HTR1B: variants seen among roughly 807,000 people sequenced by gnomAD.
HTR1B encodes 5-hydroxytryptamine receptor 1B.
HTR1B carries 12 observed loss-of-function variants against 25.3 expected under a neutral mutation model. That is an observed-to-expected ratio of 0.47 (90% CI 0.30 to 0.77). The LOEUF (loss-of-function observed/expected upper bound fraction) is 0.77, where lower values mean the gene tolerates loss of function less well. Ranked by LOEUF, HTR1B falls within the 30% of genes least tolerant of loss-of-function variation. HTR1B has a pLI of 0.06. For synonymous variants in HTR1B, 224 were observed against 219.1 expected (o/e 1.02, Z -0.20); for missense variants, 453 against 503.0 (o/e 0.90, Z 0.95).
rs764247467 is a variant in HTR1B at position 77,462,915 on chromosome 6, G to A, written c.489C>T (p.Pro163=). 3.1e-6 allele frequency: 5 copies of A among 1,613,876 alleles called. No individual in the cohort carries two copies. Among genetic ancestry groups the A allele is most frequent in the African/African-American group, 2.7e-5 (2 of 74,936 alleles). Residue 163 remains proline, a synonymous_variant, in exon 1 of 1, where the codon CCC becomes CCT. Coordinates refer to ENST00000369947, the MANE Select transcript of HTR1B (RefSeq NM_000863.3). The surrounding 1 kb of genome is among the most constrained non-coding windows in gnomAD (Gnocchi z 4.9). ...DAVEYSAKRT[P]KRAAVMIALV... is the part of the protein sequence containing the mutation. ...GCGCGATCATGACCGCCGCCCTCTT[G>A]GGAGTCCTTTTAGCTGAGTACTCCA...
Position 77,462,806 on chromosome 6 carries a change from C to T in HTR1B, c.598G>A (p.Val200Met), listed in dbSNP as rs750155855. ...TAGAGGATGTGGTCGGTGTTCACCA[C>T]GCATTCCGACACCTCCTCTTCGGCC... Reference protein sequence around the residue: ...AKAEEEVSECVVNTDHILYTV... With the variant: ...AKAEEEVSECMVNTDHILYTV... The change falls in exon 1 of 1, where the codon GTG becomes ATG. Residue 200 changes from valine (V) to methionine (M), a missense_variant. Val to Met is a conservative substitution (Grantham distance 21). Transcript: ENST00000369947. This position sits in a 1 kb window ranked among gnomAD's most constrained non-coding sequence, Gnocchi z 4.9. 2 of 1,613,236 alleles carry T rather than the reference C, an allele frequency of 1.2e-6. No individual in the cohort carries two copies. Among genetic ancestry groups the T allele is most frequent in the Admixed American group, 1.7e-5 (1 of 59,942 alleles).
chr6:77,462,835 G>T lies in HTR1B; in HGVS notation c.569C>A (p.Ala190Asp). 1 of 1,614,046 alleles carries T rather than the reference G, an allele frequency of 6.2e-7. No individual in the cohort carries two copies. The highest frequency in any genetic ancestry group is 8.5e-7 in the Non-Finnish European group (1 of 1,180,030). The change falls in exon 1 of 1, where the codon GCT (alanine) becomes GAT (aspartate). Residue 190 changes from alanine to aspartate, a missense_variant. By Grantham distance (126) the Ala-to-Asp change is moderately radical. Coordinates refer to ENST00000369947, the MANE Select transcript of HTR1B (RefSeq NM_000863.3). The surrounding 1 kb of genome is among the most constrained non-coding windows in gnomAD (Gnocchi z 4.9). Reference protein sequence around the residue: ...ISLPPFFWRQAKAEEEVSECV... With the variant: ...ISLPPFFWRQDKAEEEVSECV... ...TTCCGACACCTCCTCTTCGGCCTTA[G>T]CCTGACGCCAGAAGAAGGGCGGCAG...
chr6:77,462,285 A>T lies in HTR1B; in HGVS notation c.1119T>A (p.Asn373Lys), dbSNP rs1382258813. 6.2e-7 allele frequency: 1 copy of T among 1,613,992 alleles called. No homozygotes were observed. Among genetic ancestry groups the T allele is most frequent in the Admixed American group, 1.7e-5 (1 of 60,004 alleles). ...TATGGAATGCTTGTTTAAAGTCCTCATTGGACATGGTATAGATTATGGGGT... is the reference window on the plus strand; with the variant it reads ...TATGGAATGCTTGTTTAAAGTCCTCTTTGGACATGGTATAGATTATGGGGT... ...LINPIIYTMS[N>K]EDFKQAFHKL... Residue 373 changes from asparagine to lysine, a missense_variant, in exon 1 of 1, where the codon AAT becomes AAA. Physicochemically the swap from Asn to Lys is moderately conservative, Grantham distance 94. Coordinates refer to ENST00000369947, the MANE Select transcript of HTR1B (RefSeq NM_000863.3). The surrounding 1 kb of genome is among the most constrained non-coding windows in gnomAD (Gnocchi z 4.9).
chr6:77,462,011 C>G lies in HTR1B; in HGVS notation c.*220G>C, dbSNP rs569071651. On this transcript the variant is annotated 3_prime_UTR_variant, in exon 1 of 1. Transcript: ENST00000369947. The surrounding 1 kb of genome is among the most constrained non-coding windows in gnomAD (Gnocchi z 4.9). ...CCGGGGCTTGAGGGGAGGAAGTGAGCCTCCTCCTGGGCAGGGAAGCTCTAC... is the reference window on the plus strand; with the variant it reads ...CCGGGGCTTGAGGGGAGGAAGTGAGGCTCCTCCTGGGCAGGGAAGCTCTAC... The G allele has an allele frequency of 1.9e-6, 1 of 526,944 alleles. No individual in the cohort carries two copies. The highest frequency in any genetic ancestry group is 3.2e-5 in the East Asian group (1 of 31,280). 32.6% of individuals were successfully genotyped at this position (526,944 alleles called of 1,614,324 possible). A position where few individuals can be genotyped will look rare whatever the true frequency, so the allele number is the denominator to read the frequency against.
At position 77,462,984 on chromosome 6, in the gene HTR1B, G is replaced by A. The variant is rs1361043053; in HGVS notation, c.420C>T (p.Leu140=). Residue 140 remains leucine, a synonymous_variant, in exon 1 of 1, where the codon CTC becomes CTT. Transcript: ENST00000369947. This position sits in a 1 kb window ranked among gnomAD's most constrained non-coding sequence, Gnocchi z 4.9. ...AGTAGCGGTCCAGGGCGATGACACA[G>A]AGGTGCAGGATGGAGGCAGTGCAAC... ...ITCCTASILH[L]CVIALDRYWA... 1.2e-6 allele frequency: 2 copies of A among 1,614,090 alleles called. No individual in the cohort carries two copies. The highest frequency in any genetic ancestry group is 3.3e-5 in the Admixed American group (2 of 60,032).
chr6:77,461,198 C>A lies in HTR1B; in HGVS notation c.*1033G>T, dbSNP rs1192654610. Among the ~76,000 whole-genome samples the A allele has an allele frequency of 6.6e-6, 1 of 152,272 alleles. No homozygotes were observed. Among genetic ancestry groups the A allele is most frequent in the South Asian group, 2.1e-4 (1 of 4,818 alleles). On this transcript the variant is annotated 3_prime_UTR_variant, in exon 1 of 1. Transcript: ENST00000369947. ...CCCATGTCATCAGTCTCCTTCACAT[C>A]TCACTAAATTGGATAAGAAATAAAG...
At position 77,461,503 on chromosome 6, in the gene HTR1B, T is replaced by G. The variant is rs1766134773; in HGVS notation, c.*728A>C. Among the ~76,000 whole-genome samples, 1 of 152,104 alleles carries G rather than the reference T, an allele frequency of 6.6e-6. No homozygotes were observed. The highest frequency in any genetic ancestry group is 2.4e-5 in the African/African-American group (1 of 41,428). ...TTGTAAATCTGCAGAAAACAAACAATCATAGGTGTTGATTCTCAGTTTAAC... is the reference window on the plus strand; with the variant it reads ...TTGTAAATCTGCAGAAAACAAACAAGCATAGGTGTTGATTCTCAGTTTAAC... On this transcript the variant is annotated 3_prime_UTR_variant, in exon 1 of 1. Coordinates refer to ENST00000369947, the MANE Select transcript of HTR1B (RefSeq NM_000863.3).
Position 77,462,290 on chromosome 6 carries a change from A to T in HTR1B, c.1114T>A (p.Ser372Thr). ...AATGCTTGTTTAAAGTCCTCATTGG[A>T]CATGGTATAGATTATGGGGTTGATG... ...SLINPIIYTM[S>T]NEDFKQAFHK... The change falls in exon 1 of 1, where the codon TCC becomes ACC. Residue 372 changes from serine (S) to threonine (T), a missense_variant. Physicochemically the swap from Ser to Thr is moderately conservative, Grantham distance 58. This residue lies in a region of HTR1B where 289 missense variants were observed against 319.6 expected (regional missense o/e 0.90). Transcript: ENST00000369947. This position sits in a 1 kb window ranked among gnomAD's most constrained non-coding sequence, Gnocchi z 4.9. 1 of 1,614,110 alleles carries T rather than the reference A, an allele frequency of 6.2e-7. No individual in the cohort carries two copies. Among genetic ancestry groups the T allele is most frequent in the African/African-American group, 1.3e-5 (1 of 75,052 alleles).
Position 77,461,953 on chromosome 6 carries a change from T to G in HTR1B, c.*278A>C. The G allele has an allele frequency of 8.1e-6, 3 of 369,900 alleles. No individual in the cohort carries two copies. The highest frequency in any genetic ancestry group is 4.8e-5 in the East Asian group (1 of 20,918). The allele number at this position is 369,900 out of a possible 1,614,324, so 22.9% of individuals were successfully genotyped here. A position where few individuals can be genotyped will look rare whatever the true frequency, so the allele number is the denominator to read the frequency against. On this transcript the variant is annotated 3_prime_UTR_variant, in exon 1 of 1. Coordinates refer to ENST00000369947, the MANE Select transcript of HTR1B (RefSeq NM_000863.3). ...CAATTTTTAAAAGTTGCAACCCCCT[T>G]TGGGATTGGCTGCCGCAGGGTCAGT...
Position 77,462,598 on chromosome 6 carries a change from G to T in HTR1B, c.806C>A (p.Ser269Tyr). ...DSPGSTSSVT[S>Y]INSRVPDVPS... is the part of the protein sequence containing the mutation. ...CACGTCGGGAACCCGCGAGTTAATAGAGGTGACCGAGGACGTGGACCCGGG... is the reference window on the plus strand; with the variant it reads ...CACGTCGGGAACCCGCGAGTTAATATAGGTGACCGAGGACGTGGACCCGGG... The change falls in exon 1 of 1, where the codon TCT (serine) becomes TAT (tyrosine). Residue 269 changes from serine (S) to tyrosine (Y), a missense_variant. Ser to Tyr is a moderately radical substitution (Grantham distance 144, BLOSUM62 -2). Coordinates refer to ENST00000369947, the MANE Select transcript of HTR1B (RefSeq NM_000863.3). The surrounding 1 kb of genome is among the most constrained non-coding windows in gnomAD (Gnocchi z 4.9). The T allele has an allele frequency of 1.2e-6, 2 of 1,613,152 alleles. No homozygotes were observed. The highest frequency in any genetic ancestry group is 1.7e-6 in the Non-Finnish European group (2 of 1,180,020).
rs768130292 is a variant in HTR1B at position 77,462,652 on chromosome 6, A to T, written c.752T>A (p.Leu251Ter). ...GTCGGTTATCAGCTGGGCTCGGGTC[A>T]AGCGCTTGCCGGTCCTGTTGGGCGT... is the stretch of plus-strand genomic sequence containing the variant. ...KQTPNRTGKR[L>*]TRAQLITDSP... Residue 251 changes from leucine to a stop codon, truncating the protein, a stop_gained, in exon 1 of 1, where the codon TTG becomes TAG. Coordinates refer to ENST00000369947, the MANE Select transcript of HTR1B (RefSeq NM_000863.3). LOFTEE classifies it high-confidence loss of function. The surrounding 1 kb of genome is among the most constrained non-coding windows in gnomAD (Gnocchi z 4.9). 6.2e-7 allele frequency: 1 copy of T among 1,613,324 alleles called. No individual in the cohort carries two copies. Among genetic ancestry groups the T allele is most frequent in the South Asian group, 1.1e-5 (1 of 91,078 alleles).
In HTR1B at chr6:77,463,043, C is replaced by G; in HGVS notation, c.361G>C (p.Val121Leu). ...VTGRWTLGQV[V>L]CDFWLSSDIT... Reference sequence around the variant, plus strand: ...TCCGACGACAGCCAGAAGTCACAGACCACCTGGCCCAGTGTCCAGCGGCCG... The same window carrying G: ...TCCGACGACAGCCAGAAGTCACAGAGCACCTGGCCCAGTGTCCAGCGGCCG... The change falls in exon 1 of 1, where the codon GTC becomes CTC. Residue 121 changes from valine (V) to leucine (L), a missense_variant. By Grantham distance (32) the Val-to-Leu change is conservative. Transcript: ENST00000369947. 2 of 1,614,186 alleles carry G rather than the reference C, an allele frequency of 1.2e-6. No individual in the cohort carries two copies. Among genetic ancestry groups the G allele is most frequent in the Non-Finnish European group, 8.5e-7 (1 of 1,180,044 alleles).
Position 77,462,522 on chromosome 6 carries a change from G to A in HTR1B, c.882C>T (p.Val294=). 1 of 1,613,768 alleles carries A rather than the reference G, an allele frequency of 6.2e-7. No homozygotes were observed. The highest frequency in any genetic ancestry group is 2.2e-5 in the East Asian group (1 of 44,864). Residue 294 remains valine (V), a synonymous_variant, in exon 1 of 1, where the codon GTC becomes GTT. Coordinates refer to ENST00000369947, the MANE Select transcript of HTR1B (RefSeq NM_000863.3). This position sits in a 1 kb window ranked among gnomAD's most constrained non-coding sequence, Gnocchi z 4.9. The part of the protein sequence containing the change: ...PVYVNQVKVR[V]SDALLEKKKL... ...TCTTCTTTTCCAGCAGGGCGTCGGA[G>A]ACTCGCACTTTGACTTGGTTCACAT...
Position 77,463,414 on chromosome 6 carries a change from G to T in HTR1B, c.-11C>A, listed in dbSNP as rs1236911978. ...ACCCGGTTCCTCCATGGCTCTCCTC[G>T]CCCCAGCTCCGGAGCGCAGCTCTTG... On this transcript the variant is annotated 5_prime_UTR_variant, in exon 1 of 1. Transcript: ENST00000369947. 2.5e-6 allele frequency: 4 copies of T among 1,603,858 alleles called. No individual in the cohort carries two copies. Among genetic ancestry groups the T allele is most frequent in the African/African-American group, 2.7e-5 (2 of 74,688 alleles).
At position 77,462,016 on chromosome 6, in the gene HTR1B, T is replaced by TC. The variant is rs1766143697; in HGVS notation, c.*214dup. 13 of 539,472 alleles carry TC rather than the reference T, an allele frequency of 2.4e-5. 3 individuals are homozygous for TC. The South Asian group carries it at 2.9e-4, about 12-fold the overall frequency. The allele number at this position is 539,472 out of a possible 1,614,324, so 33.4% of individuals were successfully genotyped here. Reference sequence around the variant, plus strand: ...GCTTGAGGGGAGGAAGTGAGCCTCCTCCTGGGCAGGGAAGCTCTACATTTA... The same window carrying TC: ...GCTTGAGGGGAGGAAGTGAGCCTCCTCCCTGGGCAGGGAAGCTCTACATTTA... On this transcript the variant is annotated 3_prime_UTR_variant, in exon 1 of 1. Transcript: ENST00000369947. This position sits in a 1 kb window ranked among gnomAD's most constrained non-coding sequence, Gnocchi z 4.9.
At position 77,461,264 on chromosome 6, in the gene HTR1B, T is replaced by TATATACTAATA. The variant is rs1766130788; in HGVS notation, c.*966_*967insTATTAGTATAT. ...AGAAACAGTATATTTCCAATACTAA[T>TATATACTAATA]CGGTTTTACCAATTGCATTAGTAAG... On this transcript the variant is annotated 3_prime_UTR_variant, in exon 1 of 1. Transcript: ENST00000369947. Among the ~76,000 whole-genome samples the TATATACTAATA allele has an allele frequency of 6.6e-6, 1 of 152,184 alleles. No individual in the cohort carries two copies. The highest frequency in any genetic ancestry group is 1.5e-5 in the Non-Finnish European group (1 of 68,036).
chr6:77,461,790 A>G lies in HTR1B; in HGVS notation c.*441T>C, dbSNP rs953774831. On this transcript the variant is annotated 3_prime_UTR_variant, in exon 1 of 1. Transcript: ENST00000369947. ...AGTTCTCCCCCCAAAAACACAGGGC[A>G]TTAAGCGTCTAGTTCAAGTACTGCC... 6.3e-6 allele frequency: 1 copy of G among 158,908 alleles called. No homozygotes were observed. Among genetic ancestry groups the G allele is most frequent in the Admixed American group, 6.1e-5 (1 of 16,432 alleles). 9.8% of individuals were successfully genotyped at this position (158,908 alleles called of 1,614,324 possible). A position where few individuals can be genotyped will look rare whatever the true frequency, so the allele number is the denominator to read the frequency against.
Position 77,461,629 on chromosome 6 carries a change from T to C in HTR1B, c.*602A>G, listed in dbSNP as rs1201803282. On this transcript the variant is annotated 3_prime_UTR_variant, in exon 1 of 1. Transcript: ENST00000369947. The stretch of plus-strand genomic sequence containing the variant: ...GAATTTTGCTGTTAACTCTTCAAGG[T>C]TTCTCTGCGCCATCCAAGCCACACA... The C allele has an allele frequency of 7.0e-6, 1 of 143,842 alleles. No homozygotes were observed. The highest frequency in any genetic ancestry group is 2.6e-5 in the African/African-American group (1 of 38,650). The allele number at this position is 143,842 out of a possible 1,614,324, so 8.9% of individuals were successfully genotyped here. A position where few individuals can be genotyped will look rare whatever the true frequency, so the allele number is the denominator to read the frequency against.
Position 77,462,017 on chromosome 6 carries a change from C to T in HTR1B, c.*214G>A. The stretch of plus-strand genomic sequence containing the variant: ...CTTGAGGGGAGGAAGTGAGCCTCCT[C>T]CTGGGCAGGGAAGCTCTACATTTAG... On this transcript the variant is annotated 3_prime_UTR_variant, in exon 1 of 1. Transcript: ENST00000369947. The surrounding 1 kb of genome is among the most constrained non-coding windows in gnomAD (Gnocchi z 4.9). 1.9e-6 allele frequency: 1 copy of T among 539,828 alleles called. No individual in the cohort carries two copies. Among genetic ancestry groups the T allele is most frequent in the Non-Finnish European group, 3.3e-6 (1 of 304,452 alleles). The allele number at this position is 539,828 out of a possible 1,614,324, so 33.4% of individuals were successfully genotyped here.
Sources: gnomAD v4.1 joint callset for allele counts (sites outside exome capture counted in the v4.1 genomes callset) on GRCh38, gnomAD v4.1.1 for gene constraint, gnomAD v4.1.1 regional missense constraint, Gnocchi (gnomAD v3.1) non-coding constraint, MANE v1.5 for transcripts, NCBI Gene and HGNC (gene_info 2026-07-23, HGNC 2026-07-21) for gene names.